The following ITGA8 variants were observed in gnomAD, a reference collection of about 807,000 sequenced individuals.
The protein encoded by ITGA8 is integrin alpha-8.
In ITGA8, 91 loss-of-function variants were observed where a neutral mutation model predicts 142.3. The observed-to-expected ratio is 0.64, with a 90% CI of 0.54 to 0.76. The LOEUF (loss-of-function observed/expected upper bound fraction) is 0.76, where lower values mean the gene tolerates loss of function less well. Ranked by LOEUF, ITGA8 falls within the 30% of genes least tolerant of loss-of-function variation. ITGA8 has a pLI of 0.00. For missense variants in ITGA8, 1,406 were observed against 1,327.7 expected (o/e 1.06, Z -0.92); for synonymous variants, 505 against 485.2 (o/e 1.04, Z -0.54).
intron 27 of ITGA8, among the ~76,000 whole-genome samples, chr10:15,532,217 A>T (rs1468483104): frequency 6.6e-6 from 1 of 151,964 alleles, no homozygotes; most frequent in Non-Finnish European, 1.5e-5. Context: ...TAGGAGTTCA[A>T]GACCAGCCTG....
chr10:15,613,243 G>A (rs1833332845), intron 15 of ITGA8, among the ~76,000 whole-genome samples: 1 of 152,038 alleles, frequency 6.6e-6, no homozygotes, highest in African/African-American at 2.4e-5. Context: ...GTATCTATAA[G>A]CATATGCCAA....
In ITGA8 at chr10:15,694,217, CAT is replaced by C. The variant is rs367682435; in HGVS notation, c.344-6181_344-6180del. Among the ~76,000 whole-genome samples the C allele has an allele frequency of 9.7e-3, 1,262 of 130,768 alleles. 17 individuals are homozygous for C. Among genetic ancestry groups the C allele is most frequent in the Middle Eastern group, 0.032 (7 of 222 alleles). 85.8% of individuals were successfully genotyped at this position (130,768 alleles called of 152,430 possible). On this transcript the variant is annotated intron_variant, in intron 2 of 29. Transcript: ENST00000378076. ...TGATAATATATCATATATATGATAA[CAT>C]ATCATATATATGATAATATATCATA... is the stretch of plus-strand genomic sequence containing the variant.
intron 27 of ITGA8, among the ~76,000 whole-genome samples, chr10:15,535,727 G>A (rs1419952051): frequency 6.6e-6 from 1 of 152,198 alleles, no homozygotes; most frequent in Admixed American, 6.5e-5. Context: ...TCAGCAGGAT[G>A]TGGGTGGGGC....
At chr10:15,648,298 T>C (rs1404354232) in intron 11 of ITGA8, among the ~76,000 whole-genome samples, 1 of 152,088 alleles carries the variant, frequency 6.6e-6, no homozygotes, top group East Asian at 1.9e-4. Flanking sequence ...CAGGAACATA[T>C]ATTTGCATTT....
intron 23 of ITGA8, among the ~76,000 whole-genome samples, chr10:15,578,432 T>C (rs1177506282): frequency 6.6e-6 from 1 of 152,152 alleles, no homozygotes; most frequent in Non-Finnish European, 1.5e-5. Flanking sequence ...TTTGGGTTGT[T>C]TGCAATTTTT....
At chr10:15,562,746 G>A (rs1028767183) in intron 25 of ITGA8, among the ~76,000 whole-genome samples, 1 of 152,212 alleles carries the variant, frequency 6.6e-6, no homozygotes, top group African/African-American at 2.4e-5. Flanking sequence ...GGACCGGAGG[G>A]TAGGCCTTGG....
At chr10:15,681,029 G>A (rs924018942) in intron 4 of ITGA8, among the ~76,000 whole-genome samples, 6 of 152,018 alleles carry the variant, frequency 3.9e-5, no homozygotes, top group African/African-American at 1.5e-4. Flanking sequence ...ATTTGTTGAC[G>A]TCTTACCCAA....
At chr10:15,535,214 C>G (rs1833401216) in intron 27 of ITGA8, among the ~76,000 whole-genome samples, 1 of 152,080 alleles carries the variant, frequency 6.6e-6, no homozygotes, top group African/African-American at 2.4e-5. Flanking sequence ...GCCTGAGCCT[C>G]CCCCCACCCT....
chr10:15,669,105 G>A (rs192700415), intron 8 of ITGA8, among the ~76,000 whole-genome samples: 1 of 152,280 alleles, frequency 6.6e-6, no homozygotes, highest in East Asian at 1.9e-4. Context: ...GTAATATCCT[G>A]CAGAGTGTTT....
chr10:15,708,929 A>G (rs998417808), intron 2 of ITGA8, among the ~76,000 whole-genome samples: 1 of 152,126 alleles, frequency 6.6e-6, no homozygotes, highest in African/African-American at 2.4e-5. Flanking sequence ...ATCAAATCAC[A>G]CTGAACTTAC....
chr10:15,664,622 C>A (rs921403522), intron 8 of ITGA8, among the ~76,000 whole-genome samples: 1 of 151,158 alleles, frequency 6.6e-6, no homozygotes, highest in Non-Finnish European at 1.5e-5. Context: ...CCCATTAACT[C>A]GTCATTTAGC....
chr10:15,617,944 T>C (rs907573952), intron 13 of ITGA8, among the ~76,000 whole-genome samples: 1 of 152,196 alleles, frequency 6.6e-6, no homozygotes, highest in African/African-American at 2.4e-5. Flanking sequence ...TGGATGGAAC[T>C]AGATGCCATT....
At chr10:15,661,776 G>T (rs1266161812) in intron 8 of ITGA8, among the ~76,000 whole-genome samples, 1 of 152,206 alleles carries the variant, frequency 6.6e-6, no homozygotes, top group Non-Finnish European at 1.5e-5. Flanking sequence ...ATCTACAGCA[G>T]TAGGAGGGCA....
intron 25 of ITGA8, among the ~76,000 whole-genome samples, chr10:15,567,466 A>C (rs1025119943): frequency 6.6e-6 from 1 of 152,172 alleles, no homozygotes; most frequent in Admixed American, 6.5e-5. Flanking sequence ...ACATTTCAAA[A>C]TGTTGTAGAT....
chr10:15,665,107 G>A (rs1336806483), intron 8 of ITGA8, among the ~76,000 whole-genome samples: 1 of 152,114 alleles, frequency 6.6e-6, no homozygotes, highest in Non-Finnish European at 1.5e-5. Flanking sequence ...TTCCACAATG[G>A]TTGAACTAGT....
chr10:15,603,730 G>C (rs1454907770), intron 20 of ITGA8, among the ~76,000 whole-genome samples: 2 of 152,214 alleles, frequency 1.3e-5, no homozygotes, highest in African/African-American at 2.4e-5. Flanking sequence ...CAAGAAGAAA[G>C]GGAAAGGACC....
chr10:15,695,483 A>G (rs1835033616), intron 2 of ITGA8, among the ~76,000 whole-genome samples: 1 of 152,222 alleles, frequency 6.6e-6, no homozygotes, highest in Non-Finnish European at 1.5e-5. Flanking sequence ...TTTCTAAGCA[A>G]GGTTCTTTCA....
chr10:15,601,371 C>T (rs1833101451), intron 20 of ITGA8, among the ~76,000 whole-genome samples: 2 of 152,096 alleles, frequency 1.3e-5, no homozygotes, highest in Admixed American at 6.5e-5. Context: ...TCCCTAGAAT[C>T]GTTCACAGAG....
chr10:15,561,915 G>A (rs1373523218), intron 25 of ITGA8, among the ~76,000 whole-genome samples: 1 of 152,178 alleles, frequency 6.6e-6, no homozygotes, highest in Non-Finnish European at 1.5e-5. Flanking sequence ...CATGGCAGAA[G>A]GTGAAGGGGG....
Sources: allele counts gnomAD v4.1 joint callset (sites outside exome capture counted in the v4.1 genomes callset), GRCh38; gene constraint gnomAD v4.1.1; transcripts MANE v1.5; gene names NCBI Gene and HGNC (gene_info 2026-07-23, HGNC 2026-07-21).